Variants in MLXIPL observed in about 807,000 individuals in gnomAD.
MLXIPL encodes MLX interacting protein like.
Under a neutral mutation model 81.5 loss-of-function variants are expected in MLXIPL, and 49 were observed. The observed-to-expected ratio is 0.60, with a 90% CI of 0.48 to 0.76. MLXIPL has a LOEUF of 0.76. MLXIPL is among the 30% of genes least tolerant of loss of function. MLXIPL has a pLI of 0.00. For synonymous variants in MLXIPL, 466 were observed against 485.5 expected (o/e 0.96, Z 0.53); for missense variants, 1,053 against 1,167.0 (o/e 0.90, Z 1.42).
In MLXIPL at chr7:73,599,633, T is replaced by TG. The variant is rs782761791; in HGVS notation, c.963dup (p.Ser322GlnfsTer7). 21 of 1,609,136 alleles carry TG rather than the reference T, an allele frequency of 1.3e-5. No homozygotes were observed. The highest frequency in any genetic ancestry group is 1.7e-5 in the Non-Finnish European group (20 of 1,177,418). On this transcript the variant is annotated frameshift_variant, in exon 8 of 17. Transcript: ENST00000313375. LOFTEE classifies it high-confidence loss of function. ...AGGGAGTCAACCACGGGGCTGAAGC[T>TG]GGGGGGCTCTGGGAAGTTTGAAGGC...
chr7:73,627,019 C>A (rs1489513250), upstream of MLXIPL, among the ~76,000 whole-genome samples: 1 of 152,282 alleles, frequency 6.6e-6, no homozygotes, highest in Non-Finnish European at 1.5e-5. Flanking sequence ...CACAGGCCAG[C>A]CCTTCCACCC....
At chr7:73,619,334 G>C (rs1348307720) in intron 1 of MLXIPL, among the ~76,000 whole-genome samples, 1 of 151,974 alleles carries the variant, frequency 6.6e-6, no homozygotes, top group African/African-American at 2.4e-5. Flanking sequence ...GGTGGCAGGC[G>C]TCTGTAGTCC....
In MLXIPL at chr7:73,623,716, G is replaced by A. The variant is rs534307526; in HGVS notation, c.293+484C>T. Among the ~76,000 whole-genome samples, 1 of 152,288 alleles carries A rather than the reference G, an allele frequency of 6.6e-6. No homozygotes were observed. The highest frequency in any genetic ancestry group is 2.1e-4 in the South Asian group (1 of 4,822). On this transcript the variant is annotated intron_variant, in intron 1 of 16. Coordinates refer to ENST00000313375, the MANE Select transcript of MLXIPL (RefSeq NM_032951.3). This position sits in a 1 kb window ranked among gnomAD's most constrained non-coding sequence, Gnocchi z 5.7. ...GTTATGAACTGGGACAATCAGGGGC[G>A]CTGGGAGTATCTCAGGGTCCAGGAA...
intron 5 of MLXIPL, chr7:73,606,423 TTTTTC>T: frequency 2.3e-6 from 1 of 426,970 alleles, no homozygotes; most frequent in Non-Finnish European, 4.2e-6. Flanking sequence ...TTTCTTTTTC[TTTTTC>T]TTTTTTTTTT....
At chr7:73,614,506 C>T (rs894007446) in intron 2 of MLXIPL, among the ~76,000 whole-genome samples, 7 of 152,160 alleles carry the variant, frequency 4.6e-5, no homozygotes, top group African/African-American at 7.2e-5. Flanking sequence ...TCCAGCGGGG[C>T]GAGGACAGAG....
chr7:73,606,574 C>T (rs777759862), intron 5 of MLXIPL: 5 of 311,684 alleles, frequency 1.6e-5, no homozygotes, highest in Admixed American at 4.5e-5. Flanking sequence ...TGCAGGCATG[C>T]GCCACTATGC....
intron 5 of MLXIPL, chr7:73,606,355 A>AT (rs1403813523): frequency 1.7e-5 from 9 of 537,122 alleles, no homozygotes; most frequent in Non-Finnish European, 2.3e-5. Context: ...TGCTCTTTAG[A>AT]TTTTTTCCTG....
intron 1 of MLXIPL, among the ~76,000 whole-genome samples, chr7:73,616,625 A>G (rs1796020651): frequency 6.6e-6 from 1 of 152,050 alleles, no homozygotes; most frequent in Admixed American, 6.6e-5. Context: ...AGGCGGGTGG[A>G]TCGCCTGAGG....
At chr7:73,603,169 G>T (rs1414799536) in intron 7 of MLXIPL, among the ~76,000 whole-genome samples, 1 of 152,232 alleles carries the variant, frequency 6.6e-6, no homozygotes, top group African/African-American at 2.4e-5. Context: ...CCAGTGGGAG[G>T]CTCTTGGGGG....
the MLXIPL span, among the ~76,000 whole-genome samples, chr7:73,636,289 A>G: frequency 1.3e-5 from 2 of 151,978 alleles, no homozygotes; most frequent in Non-Finnish European, 2.9e-5. Context: ...TTATGCCTGT[A>G]GTCCCACCTA....
At chr7:73,614,342 C>G (rs569604785) in intron 2 of MLXIPL, among the ~76,000 whole-genome samples, 56 of 152,306 alleles carry the variant, frequency 3.7e-4, no homozygotes, top group African/African-American at 1.3e-3. Flanking sequence ...ATGTCACTTG[C>G]CTTCTGAGCC....
intron 7 of MLXIPL, among the ~76,000 whole-genome samples, chr7:73,604,513 C>T (rs1318489221): frequency 3.3e-5 from 5 of 151,988 alleles, no homozygotes; most frequent in African/African-American, 1.2e-4. Flanking sequence ...GTTGAGGCTG[C>T]AGTGAGCTGT....
chr7:73,620,098 A>T (rs1584149306), intron 1 of MLXIPL, among the ~76,000 whole-genome samples: 1 of 151,428 alleles, frequency 6.6e-6, no homozygotes, highest in South Asian at 2.1e-4. Context: ...GTGAGACCTT[A>T]TCTCTATTTA....
intron 1 of MLXIPL, among the ~76,000 whole-genome samples, chr7:73,621,953 T>C: frequency 2.6e-5 from 2 of 77,478 alleles, no homozygotes; most frequent in Admixed American, 1.6e-4. Flanking sequence ...TCCATCTCCC[T>C]CCCTCCTTTA....
the MLXIPL span, among the ~76,000 whole-genome samples, chr7:73,632,894 C>T: frequency 6.6e-6 from 1 of 151,618 alleles, no homozygotes; most frequent in Non-Finnish European, 1.5e-5. Flanking sequence ...ATTCTCCTGC[C>T]TCAGCCTTGT....
chr7:73,603,307 A>G (rs1322181267), intron 7 of MLXIPL, among the ~76,000 whole-genome samples: 1 of 152,194 alleles, frequency 6.6e-6, no homozygotes, highest in Non-Finnish European at 1.5e-5. Flanking sequence ...ATGCGCCAGC[A>G]GCCACCCGGG....
chr7:73,628,885 G>T (rs1285514002), upstream of MLXIPL, among the ~76,000 whole-genome samples: 3 of 152,136 alleles, frequency 2.0e-5, no homozygotes, highest in Non-Finnish European at 4.4e-5. Flanking sequence ...CCCACCTGAT[G>T]TCACATCCTC....
chr7:73,605,298 C>T (rs1325705684), intron 7 of MLXIPL, among the ~76,000 whole-genome samples: 1 of 151,890 alleles, frequency 6.6e-6, no homozygotes, highest in Non-Finnish European at 1.5e-5. Flanking sequence ...GTGGCTCATG[C>T]CTGTAATCCC....
the MLXIPL span, among the ~76,000 whole-genome samples, chr7:73,630,373 A>T: frequency 6.8e-6 from 1 of 146,822 alleles, no homozygotes; most frequent in East Asian, 2.0e-4. Flanking sequence ...GGTCATTGCA[A>T]GCTCTGCTTC....
Sources: gnomAD v4.1 joint callset for allele counts (sites outside exome capture counted in the v4.1 genomes callset) on GRCh38, gnomAD v4.1.1 for gene constraint, Gnocchi (gnomAD v3.1) non-coding constraint, MANE v1.5 for transcripts, NCBI Gene and HGNC (gene_info 2026-07-23, HGNC 2026-07-21) for gene names.